RCAN2: variants seen among roughly 807,000 people sequenced by gnomAD.
The protein encoded by RCAN2 is calcipressin-2.
Under a neutral mutation model 23.6 loss-of-function variants are expected in RCAN2, and 9 were observed. That is an observed-to-expected ratio of 0.38 (90% CI 0.23 to 0.67). The LOEUF (loss-of-function observed/expected upper bound fraction) is 0.67, where lower values mean the gene tolerates loss of function less well. RCAN2 is among the 30% of genes least tolerant of loss of function. The probability of loss-of-function intolerance (pLI) is 0.51; values close to 1 mark genes in which losing one functional copy is unlikely to be tolerated. For missense variants in RCAN2, 273 were observed against 302.3 expected, an observed-to-expected ratio of 0.90 and a Z score of 0.72; for synonymous variants, 109 against 115.7, an observed-to-expected ratio of 0.94 and a Z score of 0.37.
At chr6:46,359,644 T>C (rs762388398) in intron 2 of RCAN2, among the ~76,000 whole-genome samples, 9 of 152,196 alleles carry the variant, frequency 5.9e-5, no homozygotes, top group Non-Finnish European at 8.8e-5. Context: ...TCTGAATATA[T>C]AAAACAGTGC....
intron 1 of RCAN2, among the ~76,000 whole-genome samples, chr6:46,468,520 T>A (rs1393671047): frequency 6.6e-6 from 1 of 152,230 alleles, no homozygotes; most frequent in Non-Finnish European, 1.5e-5. Context: ...GCCCCCATCC[T>A]GGGAGGGCTG....
intron 2 of RCAN2, among the ~76,000 whole-genome samples, chr6:46,411,432 T>C (rs886476614): frequency 1.3e-5 from 2 of 152,192 alleles, no homozygotes; most frequent in African/African-American, 4.8e-5. Flanking sequence ...ACAACGTGAA[T>C]GCAGTTAATG....
intron 2 of RCAN2, among the ~76,000 whole-genome samples, chr6:46,403,867 C>T (rs140411425): frequency 1.4e-4 from 22 of 152,132 alleles, no homozygotes; most frequent in African/African-American, 5.3e-4. Context: ...TGTTCTGGGC[C>T]GATGAGGTGA....
At chr6:46,230,845 C>T (rs968884882) in intron 4 of RCAN2, among the ~76,000 whole-genome samples, 7 of 152,338 alleles carry the variant, frequency 4.6e-5, no homozygotes, top group South Asian at 4.1e-4. Context: ...GCATCACTCA[C>T]GCTGGGAGCT....
intron 1 of RCAN2, among the ~76,000 whole-genome samples, chr6:46,480,405 A>G (rs1353437065): frequency 2.6e-5 from 4 of 152,242 alleles, no homozygotes; most frequent in Non-Finnish European, 4.4e-5. Flanking sequence ...ACAAAAGAAG[A>G]AAGAATGCAC....
At chr6:46,427,044 A>G (rs1297475059) in intron 2 of RCAN2, among the ~76,000 whole-genome samples, 1 of 152,226 alleles carries the variant, frequency 6.6e-6, no homozygotes, top group Non-Finnish European at 1.5e-5. Flanking sequence ...AATAATATGG[A>G]AGAAAGAGTC....
intron 1 of RCAN2, among the ~76,000 whole-genome samples, chr6:46,487,734 T>C (rs1769034855): frequency 6.6e-6 from 1 of 152,202 alleles, no homozygotes; most frequent in South Asian, 2.1e-4. Context: ...GGACCATGCT[T>C]CCCCAACCTC....
At chr6:46,268,708 T>G (rs1767425040) in intron 2 of RCAN2, among the ~76,000 whole-genome samples, 1 of 152,216 alleles carries the variant, frequency 6.6e-6, no homozygotes, top group South Asian at 2.1e-4. Context: ...ATGACTCCAT[T>G]GTTTTTTAGC....
chr6:46,369,551 C>A (rs1388645819), intron 2 of RCAN2, among the ~76,000 whole-genome samples: 3 of 152,000 alleles, frequency 2.0e-5, no homozygotes, highest in Non-Finnish European at 4.4e-5. Context: ...TTTTTCTGTT[C>A]CATTATAATC....
At chr6:46,362,245 C>G (rs1305860020) in intron 2 of RCAN2, among the ~76,000 whole-genome samples, 7 of 152,052 alleles carry the variant, frequency 4.6e-5, no homozygotes, top group Admixed American at 2.0e-4. Flanking sequence ...AAAATATCGT[C>G]TTTTTCTTTT....
At chr6:46,268,901 T>G (rs1561836275) in intron 2 of RCAN2, among the ~76,000 whole-genome samples, 1 of 152,248 alleles carries the variant, frequency 6.6e-6, no homozygotes, top group Non-Finnish European at 1.5e-5. Context: ...CTGATGCTTA[T>G]TTATGTTTAA....
chr6:46,451,029 T>C (rs1305473477), intron 2 of RCAN2, among the ~76,000 whole-genome samples: 1 of 152,098 alleles, frequency 6.6e-6, no homozygotes, highest in Non-Finnish European at 1.5e-5. Flanking sequence ...TTGTATACAA[T>C]AAATGTATAC....
intron 2 of RCAN2, among the ~76,000 whole-genome samples, chr6:46,317,046 T>C (rs1763462708): frequency 6.6e-6 from 1 of 152,216 alleles, no homozygotes; most frequent in South Asian, 2.1e-4. Context: ...TTGCTTTCAC[T>C]GCCTCTGCCC....
intron 2 of RCAN2, among the ~76,000 whole-genome samples, chr6:46,405,895 T>TCCCG (rs1032902503): frequency 2.1e-4 from 32 of 152,234 alleles, no homozygotes; most frequent in African/African-American, 7.5e-4. Flanking sequence ...AGGCTGCAGG[T>TCCCG]CCCGAGCCCT....
intron 1 of RCAN2, among the ~76,000 whole-genome samples, chr6:46,489,630 G>A (rs1417810151): frequency 6.6e-6 from 1 of 152,210 alleles, no homozygotes; most frequent in Non-Finnish European, 1.5e-5. Context: ...TCTGTTACAC[G>A]TTCATCACTG....
intron 1 of RCAN2, among the ~76,000 whole-genome samples, chr6:46,471,747 G>A (rs1247366265): frequency 6.6e-6 from 1 of 152,156 alleles, no homozygotes; most frequent in Non-Finnish European, 1.5e-5. Flanking sequence ...TAAGGCCTGA[G>A]CCCTGAAACA....
intron 2 of RCAN2, among the ~76,000 whole-genome samples, chr6:46,373,910 T>G (rs114645035): frequency 7.2e-5 from 11 of 152,308 alleles, no homozygotes; most frequent in Non-Finnish European, 1.3e-4. Context: ...ACAGGAATAA[T>G]CTATCCCCTA....
chr6:46,373,325 C>T (rs925664425), intron 2 of RCAN2, among the ~76,000 whole-genome samples: 7 of 152,018 alleles, frequency 4.6e-5, no homozygotes, highest in Non-Finnish European at 8.8e-5. Flanking sequence ...TGTGCAGTGG[C>T]GCAATCTTGG....
chr6:46,398,824 C>T (rs1766163364), intron 2 of RCAN2, among the ~76,000 whole-genome samples: 1 of 151,994 alleles, frequency 6.6e-6, no homozygotes, highest in East Asian at 1.9e-4. Flanking sequence ...AGAGCATCTT[C>T]AGTCATTCCA....
Sources: allele counts gnomAD v4.1 joint callset (sites outside exome capture counted in the v4.1 genomes callset), GRCh38; gene constraint gnomAD v4.1.1; transcripts MANE v1.5; gene names NCBI Gene and HGNC (gene_info 2026-07-23, HGNC 2026-07-21).